The following NALF1 variants were observed in gnomAD, a reference collection of about 807,000 sequenced individuals.
The protein encoded by NALF1 is family with sequence similarity 155 member A.
Under a neutral mutation model 48.4 loss-of-function variants are expected in NALF1, and 3 were observed. The ratio of observed to expected loss-of-function variants is 0.06; its 90% CI spans 0.03 to 0.16. The LOEUF is 0.16. Among genes scored for constraint, NALF1 ranks in the 10% least tolerant of loss-of-function variants. NALF1 has a pLI of 1.00. For synonymous variants in NALF1, 262 were observed against 245.7 expected (o/e 1.07, Z -0.62); for missense variants, 526 against 571.5 (o/e 0.92, Z 0.81).
At chr13:107,371,847 G>A (rs1883253453) in intron 1 of NALF1, among the ~76,000 whole-genome samples, 1 of 152,182 alleles carries the variant, frequency 6.6e-6, no homozygotes, top group Admixed American at 6.5e-5. Context: ...TAACTGATGT[G>A]TTAACATTTT....
chr13:107,613,002 G>GA lies in NALF1; in HGVS notation c.915+252679dup, dbSNP rs5806669. The stretch of plus-strand genomic sequence containing the variant: ...TTTTTGGGTTTTTTTCCCACAATGA[G>GA]AAAAAAAAAAAAGAAAAGAAAAGAA... On this transcript the variant is annotated intron_variant, in intron 1 of 2. Coordinates refer to ENST00000375915, the MANE Select transcript of NALF1 (RefSeq NM_001080396.3). Among the ~76,000 whole-genome samples the GA allele has an allele frequency of 3.1e-3, 410 of 132,868 alleles. 2 individuals carry two copies. Among genetic ancestry groups the GA allele is most frequent in the East Asian group, 0.019 (94 of 4,840 alleles). 87.2% of individuals were successfully genotyped at this position (132,868 alleles called of 152,430 possible).
chr13:107,202,420 C>T (rs2138795647), intron 2 of NALF1, among the ~76,000 whole-genome samples: 1 of 149,810 alleles, frequency 6.7e-6, no homozygotes, highest in South Asian at 2.1e-4. Flanking sequence ...TATAAAATAG[C>T]TATAACACAA....
At chr13:107,280,758 A>C (rs565687934) in intron 1 of NALF1, among the ~76,000 whole-genome samples, 1 of 152,178 alleles carries the variant, frequency 6.6e-6, no homozygotes, top group Middle Eastern at 3.2e-3. Context: ...AATAGTCTCG[A>C]AAAAAAGTAG....
intron 1 of NALF1, among the ~76,000 whole-genome samples, chr13:107,527,272 G>C (rs998906103): frequency 2.6e-5 from 4 of 152,034 alleles, no homozygotes; most frequent in African/African-American, 4.8e-5. Context: ...GCTTACCTTG[G>C]CTCCTTTGTG....
At chr13:107,805,909 G>A (rs1878771396) in intron 1 of NALF1, among the ~76,000 whole-genome samples, 1 of 152,020 alleles carries the variant, frequency 6.6e-6, no homozygotes, top group Non-Finnish European at 1.5e-5. Context: ...AAAATATGAT[G>A]CACCAAATTA....
chr13:107,601,144 T>C (rs1294484179), intron 1 of NALF1, among the ~76,000 whole-genome samples: 1 of 152,098 alleles, frequency 6.6e-6, no homozygotes, highest in Non-Finnish European at 1.5e-5. Context: ...GTAGTATCCA[T>C]TAGGCAGTGG....
intron 1 of NALF1, among the ~76,000 whole-genome samples, chr13:107,724,539 C>T (rs1876092805): frequency 6.6e-6 from 1 of 150,918 alleles, no homozygotes; most frequent in African/African-American, 2.4e-5. Flanking sequence ...ATATACCATC[C>T]CTCCCTCCCT....
In NALF1 at chr13:107,589,812, G is replaced by A. The variant is rs183256687; in HGVS notation, c.915+275870C>T. Among the ~76,000 whole-genome samples, 3 of 151,984 alleles carry A rather than the reference G, an allele frequency of 2.0e-5. No homozygotes were observed. In the East Asian group the frequency reaches 5.8e-4, roughly 29 times the overall value. ...CCTGACTTTTGGAATTTCCCTTGAG[G>A]CAGGGCTTATATGATATGATGGGAC... is the stretch of plus-strand genomic sequence containing the variant. On this transcript the variant is annotated intron_variant, in intron 1 of 2. Coordinates refer to ENST00000375915, the MANE Select transcript of NALF1 (RefSeq NM_001080396.3).
chr13:107,182,978 T>G (rs967378062), intron 2 of NALF1, among the ~76,000 whole-genome samples: 14 of 152,184 alleles, frequency 9.2e-5, no homozygotes, highest in Non-Finnish European at 1.9e-4. Flanking sequence ...GGCAGAGTTA[T>G]TTTTGCTCCA....
intron 1 of NALF1, among the ~76,000 whole-genome samples, chr13:107,483,489 T>C (rs998417623): frequency 6.6e-6 from 1 of 152,206 alleles, no homozygotes; most frequent in Non-Finnish European, 1.5e-5. Flanking sequence ...TAAATCTGAT[T>C]TCTATATGTT....
intron 1 of NALF1, among the ~76,000 whole-genome samples, chr13:107,348,311 T>G (rs1882810182): frequency 6.6e-6 from 1 of 152,230 alleles, no homozygotes; most frequent in Admixed American, 6.5e-5. Context: ...AAAGAAACAT[T>G]TCATTTGCAT....
chr13:107,661,811 T>G (rs1880740844), intron 1 of NALF1, among the ~76,000 whole-genome samples: 1 of 152,194 alleles, frequency 6.6e-6, no homozygotes. Context: ...ACTAATTTTA[T>G]ACATATTTTA....
chr13:107,723,003 G>T (rs993162579), intron 1 of NALF1, among the ~76,000 whole-genome samples: 13 of 152,138 alleles, frequency 8.5e-5, no homozygotes, highest in African/African-American at 3.1e-4. Flanking sequence ...GTATTTATCA[G>T]AATTTTTCAA....
At position 107,170,275 on chromosome 13, in the gene NALF1, TA is replaced by T; in HGVS notation, c.*221del. On this transcript the variant is annotated 3_prime_UTR_variant, in exon 3 of 3. Transcript: ENST00000375915. Reference sequence around the variant, plus strand: ...CCTCCAAACATTAAAACACAGTGTATAAAATGGTGTGAGAAATTTAAAGTCA... The same window carrying T: ...CCTCCAAACATTAAAACACAGTGTATAAATGGTGTGAGAAATTTAAAGTCA... 1 of 508,808 alleles carries T rather than the reference TA, an allele frequency of 2.0e-6. No homozygotes were observed. The highest frequency in any genetic ancestry group is 3.5e-6 in the Non-Finnish European group (1 of 286,734). The allele number at this position is 508,808 out of a possible 1,614,324, so 31.5% of individuals were successfully genotyped here. A position where few individuals can be genotyped will look rare whatever the true frequency, so the allele number is the denominator to read the frequency against.
chr13:107,707,492 C>G (rs910241088), intron 1 of NALF1, among the ~76,000 whole-genome samples: 1 of 152,166 alleles, frequency 6.6e-6, no homozygotes, highest in African/African-American at 2.4e-5. Context: ...TAGATACTTC[C>G]TTTTCCATCC....
At chr13:107,332,306 C>G (rs955255870) in intron 1 of NALF1, among the ~76,000 whole-genome samples, 3 of 152,062 alleles carry the variant, frequency 2.0e-5, no homozygotes, top group African/African-American at 7.2e-5. Flanking sequence ...ACCTGGCATA[C>G]AAATAGAGAA....
intron 1 of NALF1, among the ~76,000 whole-genome samples, chr13:107,611,526 A>G (rs1879223889): frequency 1.3e-5 from 2 of 152,172 alleles, no homozygotes; most frequent in Non-Finnish European, 1.5e-5. Flanking sequence ...ATCTTGTCAT[A>G]TACTACAAAA....
At chr13:107,446,031 C>T (rs944521214) in intron 1 of NALF1, among the ~76,000 whole-genome samples, 3 of 152,030 alleles carry the variant, frequency 2.0e-5, no homozygotes, top group East Asian at 1.9e-4. Context: ...CTCCGCTTCC[C>T]GGGTTCAAGC....
intron 1 of NALF1, among the ~76,000 whole-genome samples, chr13:107,369,317 T>C (rs546156510): frequency 3.3e-5 from 5 of 152,170 alleles, no homozygotes; most frequent in Non-Finnish European, 5.9e-5. Context: ...CTTTCCTTAT[T>C]ACAAGGAAAT....
Sources: gnomAD v4.1 joint callset for allele counts (sites outside exome capture counted in the v4.1 genomes callset) on GRCh38, gnomAD v4.1.1 for gene constraint, MANE v1.5 for transcripts, NCBI Gene and HGNC (gene_info 2026-07-23, HGNC 2026-07-21) for gene names.